The following CSMD1 variants were observed in gnomAD, a reference collection of about 807,000 sequenced individuals.
CSMD1 encodes the protein CUB and sushi domain-containing protein 1.
CSMD1 carries 213 observed loss-of-function variants against 417.5 expected under a neutral mutation model. The ratio of observed to expected loss-of-function variants is 0.51; its 90% CI spans 0.46 to 0.57. CSMD1 has a LOEUF of 0.57. CSMD1 is among the 20% of genes least tolerant of loss of function. The probability of loss-of-function intolerance (pLI) is 0.00; values close to 1 mark genes in which losing one functional copy is unlikely to be tolerated. For synonymous variants in CSMD1, 2,862 were observed against 1,736.8 expected (o/e 1.65, Z -16.11); for missense variants, 6,923 against 4,529.7 (o/e 1.53, Z -15.17).
At chr8:3,649,856 A>G (rs987533736) in intron 7 of CSMD1, among the ~76,000 whole-genome samples, 1 of 152,180 alleles carries the variant, frequency 6.6e-6, no homozygotes, top group African/African-American at 2.4e-5. Flanking sequence ...ATGTTTTCTC[A>G]ATGTTTAACC....
rs76087705 is a variant in CSMD1 at position 4,611,196 on chromosome 8, T to C, written c.302+26146A>G. Among the ~76,000 whole-genome samples, 85 of 152,314 alleles carry C rather than the reference T, an allele frequency of 5.6e-4. 1 individual carries two copies. In the East Asian group the frequency reaches 0.016, roughly 29 times the overall value. On this transcript the variant is annotated intron_variant, in intron 2 of 69. Coordinates refer to ENST00000635120, the MANE Select transcript of CSMD1 (RefSeq NM_033225.6). ...TTATAGATACATCTGGGCGAGTGTA[T>C]ACACAGTTTTTAAATATAAAGGAAA...
At chr8:4,453,139 A>T (rs1799248320) in intron 2 of CSMD1, among the ~76,000 whole-genome samples, 1 of 151,944 alleles carries the variant, frequency 6.6e-6, no homozygotes, top group South Asian at 2.1e-4. Context: ...TGTGTCACCA[A>T]TTTGAGGCAA....
intron 5 of CSMD1, among the ~76,000 whole-genome samples, chr8:3,885,693 C>T (rs1295204326): frequency 6.6e-6 from 1 of 152,102 alleles, no homozygotes. Flanking sequence ...CACAGAAATG[C>T]ACGTGTGAGC....
chr8:3,993,032 G>A (rs565086311), intron 5 of CSMD1, among the ~76,000 whole-genome samples: 1 of 152,336 alleles, frequency 6.6e-6, no homozygotes, highest in South Asian at 2.1e-4. Context: ...GTCCCTGGCT[G>A]GAGCCCTGGA....
chr8:4,579,360 G>A (rs1024260305), intron 2 of CSMD1, among the ~76,000 whole-genome samples: 1 of 151,784 alleles, frequency 6.6e-6, no homozygotes, highest in Non-Finnish European at 1.5e-5. Flanking sequence ...ACGTGTGTGT[G>A]TGTGTTTGTG....
At chr8:3,367,947 A>G (rs1809707369) in intron 19 of CSMD1, among the ~76,000 whole-genome samples, 2 of 152,152 alleles carry the variant, frequency 1.3e-5, no homozygotes, top group Admixed American at 1.3e-4. Flanking sequence ...CTTTAGAAAA[A>G]TCTTATTTGG....
At chr8:4,423,149 T>G (rs1181186740) in intron 2 of CSMD1, among the ~76,000 whole-genome samples, 1 of 152,072 alleles carries the variant, frequency 6.6e-6, no homozygotes, top group Non-Finnish European at 1.5e-5. Context: ...GTCAAGAAAT[T>G]TGAACAAGTC....
intron 3 of CSMD1, among the ~76,000 whole-genome samples, chr8:4,035,454 A>T (rs575959554): frequency 1.3e-5 from 2 of 152,324 alleles, no homozygotes; most frequent in East Asian, 3.9e-4. Context: ...AAGGATTCCA[A>T]AAGGAGGCAT....
At chr8:3,220,009 G>C (rs1033823011) in intron 28 of CSMD1, among the ~76,000 whole-genome samples, 6 of 151,934 alleles carry the variant, frequency 3.9e-5, no homozygotes, top group African/African-American at 7.3e-5. Context: ...GTAGAGTGTG[G>C]TGGTGCACAC....
chr8:3,850,119 T>C (rs980471790), intron 5 of CSMD1, among the ~76,000 whole-genome samples: 3 of 152,244 alleles, frequency 2.0e-5, no homozygotes, highest in Admixed American at 6.5e-5. Context: ...TTTGATACAT[T>C]TGGGCGATGT....
chr8:4,779,525 A>C (rs1466158950), intron 1 of CSMD1, among the ~76,000 whole-genome samples: 1 of 152,194 alleles, frequency 6.6e-6, no homozygotes, highest in Non-Finnish European at 1.5e-5. Context: ...GTTAGAGAAA[A>C]GGAACATTAA....
chr8:3,790,219 C>T (rs1412149541), intron 5 of CSMD1, among the ~76,000 whole-genome samples: 1 of 152,164 alleles, frequency 6.6e-6, no homozygotes, highest in Non-Finnish European at 1.5e-5. Flanking sequence ...GCTGCCTACA[C>T]AAAACTCCTT....
At position 3,266,784 on chromosome 8, in the gene CSMD1, CAAA is replaced by C. The variant is rs10595372; in HGVS notation, c.4153+17357_4153+17359del. On this transcript the variant is annotated intron_variant, in intron 26 of 69. Coordinates refer to ENST00000635120, the MANE Select transcript of CSMD1 (RefSeq NM_033225.6). ...AGTGAGACACTGTCTTAAAAAAAATCAAAAAAAAAAAAAAAGGACCACCCTCAG... is the reference window on the plus strand; with the variant it reads ...AGTGAGACACTGTCTTAAAAAAAATCAAAAAAAAAAAAGGACCACCCTCAG... Among the ~76,000 whole-genome samples the C allele has an allele frequency of 9.2e-3, 1,211 of 131,548 alleles. 19 individuals are homozygous for C. The highest frequency in any genetic ancestry group is 0.03 in the African/African-American group (1,093 of 36,146). 86.3% of individuals were successfully genotyped at this position (131,548 alleles called of 152,430 possible). A position where few individuals can be genotyped will look rare whatever the true frequency, so the allele number is the denominator to read the frequency against.
intron 2 of CSMD1, among the ~76,000 whole-genome samples, chr8:4,461,717 ATCT>A (rs1352716038): frequency 6.9e-6 from 1 of 145,716 alleles, no homozygotes; most frequent in Non-Finnish European, 1.5e-5. Context: ...TAGCCAGCTC[ATCT>A]TATTTATTAT....
Position 3,018,383 on chromosome 8 carries a change from G to T in CSMD1, c.8029+94C>A. On this transcript the variant is annotated intron_variant, in intron 52 of 69. Coordinates refer to ENST00000635120, the MANE Select transcript of CSMD1 (RefSeq NM_033225.6). ...ATTTCCACCCCAGGTAGGATTTAAG[G>T]CATTATAGCAAGAAGTCATATGTGT... 3 of 1,140,414 alleles carry T rather than the reference G, an allele frequency of 2.6e-6. No homozygotes were observed. In the South Asian group the frequency reaches 5.1e-5, roughly 19 times the overall value. The allele number at this position is 1,140,414 out of a possible 1,614,324, so 70.6% of individuals were successfully genotyped here. A position where few individuals can be genotyped will look rare whatever the true frequency, so the allele number is the denominator to read the frequency against.
chr8:4,138,736 G>A (rs919818561), intron 3 of CSMD1, among the ~76,000 whole-genome samples: 1 of 152,038 alleles, frequency 6.6e-6, no homozygotes, highest in African/African-American at 2.4e-5. Flanking sequence ...TTAACTAGAG[G>A]AAAAATACTA....
chr8:4,857,214 C>G (rs1339097753), intron 1 of CSMD1, among the ~76,000 whole-genome samples: 3 of 149,422 alleles, frequency 2.0e-5, no homozygotes, highest in Non-Finnish European at 3.0e-5. Flanking sequence ...TTCTTTGAAA[C>G]CAACGAGAAC....
chr8:3,284,252 TCCA>T lies in CSMD1; in HGVS notation c.4042_4044del (p.Trp1348del). The T allele has an allele frequency of 6.2e-7, 1 of 1,613,806 alleles. No individual in the cohort carries two copies. Among genetic ancestry groups the T allele is most frequent in the Non-Finnish European group, 8.5e-7 (1 of 1,179,796 alleles). Reference sequence around the variant, plus strand: ...ATGTCCTCCGGAAGGGCGGAGCCACTCCACTCCTTCAGCAGGATGTCACTGTCC... The same window carrying T: ...ATGTCCTCCGGAAGGGCGGAGCCACTCTCCTTCAGCAGGATGTCACTGTCC... On this transcript the variant is annotated inframe_deletion, in exon 26 of 70. Transcript: ENST00000635120.
chr8:4,254,077 T>G (rs1803272619), intron 3 of CSMD1, among the ~76,000 whole-genome samples: 1 of 151,740 alleles, frequency 6.6e-6, no homozygotes, highest in Non-Finnish European at 1.5e-5. Flanking sequence ...CCACCACGCC[T>G]GGCTAATTTT....
Sources: gnomAD v4.1 joint callset for allele counts (sites outside exome capture counted in the v4.1 genomes callset) on GRCh38, gnomAD v4.1.1 for gene constraint, MANE v1.5 for transcripts, NCBI Gene and HGNC (gene_info 2026-07-23, HGNC 2026-07-21) for gene names.